The following TMTC2 variants were observed in gnomAD, a reference collection of about 807,000 sequenced individuals.
TMTC2 encodes the protein transmembrane O-mannosyltransferase targeting cadherins 2.
Under a neutral mutation model 82.4 loss-of-function variants are expected in TMTC2, and 43 were observed. That is an observed-to-expected ratio of 0.52 (90% CI 0.41 to 0.67). The LOEUF (loss-of-function observed/expected upper bound fraction) is 0.67. Ranked by LOEUF, TMTC2 falls within the 30% of genes least tolerant of loss-of-function variation. TMTC2 has a pLI of 0.00. For synonymous variants in TMTC2, 408 were observed against 381.9 expected, an observed-to-expected ratio of 1.07 and a Z score of -0.80; for missense variants, 919 against 1,012.4, an observed-to-expected ratio of 0.91 and a Z score of 1.25.
At chr12:82,975,500 C>G (rs1878627802) in intron 7 of TMTC2, among the ~76,000 whole-genome samples, 1 of 152,078 alleles carries the variant, frequency 6.6e-6, no homozygotes, top group Admixed American at 6.5e-5. Context: ...TTATTTTTGC[C>G]AACATGTTAA....
At chr12:82,700,569 G>C (rs1873027056) in intron 1 of TMTC2, among the ~76,000 whole-genome samples, 1 of 152,076 alleles carries the variant, frequency 6.6e-6, no homozygotes, top group African/African-American at 2.4e-5. Flanking sequence ...TTGGAGAAGT[G>C]ATGTTGAGAT....
At chr12:82,691,150 T>C (rs1360303021) in intron 1 of TMTC2, among the ~76,000 whole-genome samples, 1 of 152,218 alleles carries the variant, frequency 6.6e-6, no homozygotes, top group East Asian at 1.9e-4. Context: ...TGCTTTAAAT[T>C]CTCATATGAG....
At chr12:82,825,854 G>GCA (rs113069531) in intron 1 of TMTC2, among the ~76,000 whole-genome samples, 11,516 of 147,522 alleles carry the variant, frequency 0.078, 1,256 homozygotes, top group African/African-American at 0.25. Context: ...GATAGGGAAA[G>GCA]CACACACACA....
At chr12:83,040,628 A>G (rs983284797) in intron 9 of TMTC2, among the ~76,000 whole-genome samples, 3 of 151,506 alleles carry the variant, frequency 2.0e-5, no homozygotes, top group Non-Finnish European at 4.4e-5. Context: ...AGCCCTGACC[A>G]CAGTGCTTCA....
chr12:82,872,787 C>G (rs1460920260), intron 2 of TMTC2, among the ~76,000 whole-genome samples: 1 of 152,026 alleles, frequency 6.6e-6, no homozygotes, highest in African/African-American at 2.4e-5. Flanking sequence ...TCTATTTATA[C>G]AAAAAAGGCC....
At chr12:82,777,543 A>G (rs1469886711) in intron 1 of TMTC2, among the ~76,000 whole-genome samples, 3 of 152,052 alleles carry the variant, frequency 2.0e-5, no homozygotes, top group African/African-American at 7.2e-5. Context: ...CCACTCTTTT[A>G]TGTGTTCAAA....
rs193196003 is a variant in TMTC2, at chr12:83,001,165, G to A, written c.2070+15119G>A. Among the ~76,000 whole-genome samples the A allele has an allele frequency of 1.2e-4, 19 of 152,260 alleles. No individual in the cohort carries two copies. The East Asian group carries it at 2.3e-3, about 19-fold the overall frequency. ...CTTGGTGATTAACATTCGGCTCCTC[G>A]TTACTTATGCCAATTCCTGGAGCAG... On this transcript the variant is annotated intron_variant, in intron 8 of 11. Transcript: ENST00000321196.
At chr12:82,722,216 T>C (rs1874237263) in intron 1 of TMTC2, among the ~76,000 whole-genome samples, 1 of 152,014 alleles carries the variant, frequency 6.6e-6, no homozygotes, top group Non-Finnish European at 1.5e-5. Flanking sequence ...ATACTACTTC[T>C]TACTTGCCTT....
chr12:83,119,436 G>A lies in TMTC2; in HGVS notation c.2332-12774G>A, dbSNP rs776453481. ...TTCAGGATCAGGTTATTTAATTTCCGTGTATTTGCATGGTTCTGAAGGTTC... is the reference window on the plus strand; with the variant it reads ...TTCAGGATCAGGTTATTTAATTTCCATGTATTTGCATGGTTCTGAAGGTTC... On this transcript the variant is annotated intron_variant, in intron 11 of 11. Coordinates refer to ENST00000321196, the MANE Select transcript of TMTC2 (RefSeq NM_152588.3). Among the ~76,000 whole-genome samples, 7 of 151,966 alleles carry A rather than the reference G, an allele frequency of 4.6e-5. No individual in the cohort carries two copies. In the South Asian group the frequency reaches 8.3e-4, roughly 18 times the overall value.
chr12:82,840,262 T>C (rs1239228670), intron 1 of TMTC2, among the ~76,000 whole-genome samples: 1 of 152,208 alleles, frequency 6.6e-6, no homozygotes, highest in Non-Finnish European at 1.5e-5. Flanking sequence ...AGCTAGTAAG[T>C]CCAAGAGGAA....
At chr12:83,102,877 T>C (rs1239293127) in intron 11 of TMTC2, among the ~76,000 whole-genome samples, 1 of 152,200 alleles carries the variant, frequency 6.6e-6, no homozygotes, top group African/African-American at 2.4e-5. Context: ...AACTAAACTA[T>C]TCCAAAGCCA....
chr12:83,043,080 A>G (rs1881954860), intron 9 of TMTC2, among the ~76,000 whole-genome samples: 1 of 152,230 alleles, frequency 6.6e-6, no homozygotes, highest in African/African-American at 2.4e-5. Flanking sequence ...AACAAAACGA[A>G]TAAAGGGAAG....
chr12:82,687,297 T>C lies in TMTC2; in HGVS notation c.-290T>C, dbSNP rs1158384559. The C allele has an allele frequency of 2.0e-6, 1 of 501,900 alleles. No individual in the cohort carries two copies. Among genetic ancestry groups the C allele is most frequent in the East Asian group, 3.6e-5 (1 of 27,484 alleles). The allele number at this position is 501,900 out of a possible 1,614,324, so 31.1% of individuals were successfully genotyped here. A position where few individuals can be genotyped will look rare whatever the true frequency, so the allele number is the denominator to read the frequency against. ...CCCGCGCGAAAGACCAGCCCTGCGC[T>C]TCCGCCGGGGGACGCGGAGCCCAAA... On this transcript the variant is annotated 5_prime_UTR_variant, in exon 1 of 12. Coordinates refer to ENST00000321196, the MANE Select transcript of TMTC2 (RefSeq NM_152588.3).
chr12:83,096,268 T>C (rs1412141775), intron 11 of TMTC2, among the ~76,000 whole-genome samples: 1 of 152,190 alleles, frequency 6.6e-6, no homozygotes, highest in Non-Finnish European at 1.5e-5. Context: ...GCACGTAGGG[T>C]CTCCTTCATT....
At chr12:83,095,149 A>AGTCT (rs903227789) in intron 11 of TMTC2, among the ~76,000 whole-genome samples, 4 of 151,308 alleles carry the variant, frequency 2.6e-5, no homozygotes, top group African/African-American at 9.7e-5. Flanking sequence ...TTTAAGCTGG[A>AGTCT]GTCTGCAGTA....
intron 11 of TMTC2, among the ~76,000 whole-genome samples, chr12:83,125,123 C>T (rs1885064839): frequency 6.6e-6 from 1 of 152,176 alleles, no homozygotes; most frequent in East Asian, 1.9e-4. Flanking sequence ...TTCATTCATC[C>T]AGGATTTACC....
In TMTC2 at chr12:83,010,777, C is replaced by A. The variant is rs565841459; in HGVS notation, c.2071-20021C>A. Among the ~76,000 whole-genome samples, 4 of 152,212 alleles carry A rather than the reference C, an allele frequency of 2.6e-5. No individual in the cohort carries two copies. The South Asian group carries it at 8.3e-4, about 32-fold the overall frequency. On this transcript the variant is annotated intron_variant, in intron 8 of 11. Transcript: ENST00000321196. ...ATGCCATATATTTTTATTTTCCCAT[C>A]GCACAAGGCATAATGTGTATTGTAT...
At chr12:82,712,677 A>G (rs1227861907) in intron 1 of TMTC2, among the ~76,000 whole-genome samples, 4 of 152,142 alleles carry the variant, frequency 2.6e-5, no homozygotes, top group African/African-American at 7.2e-5. Flanking sequence ...TACTGAGACA[A>G]CCAGTACCAA....
intron 1 of TMTC2, among the ~76,000 whole-genome samples, chr12:82,742,946 G>T (rs926769594): frequency 6.6e-6 from 1 of 152,148 alleles, no homozygotes; most frequent in South Asian, 2.1e-4. Context: ...CATCATGATT[G>T]TTTTCTACGT....
Sources: gnomAD v4.1 joint callset for allele counts (sites outside exome capture counted in the v4.1 genomes callset) on GRCh38, gnomAD v4.1.1 for gene constraint, MANE v1.5 for transcripts, NCBI Gene and HGNC (gene_info 2026-07-23, HGNC 2026-07-21) for gene names.